RSPO3: variants seen among roughly 807,000 people sequenced by gnomAD.
The protein encoded by RSPO3 is R-spondin 3.
In RSPO3, 17 loss-of-function variants were observed where a neutral mutation model predicts 36.5. The observed-to-expected ratio is 0.47, with a 90% CI of 0.32 to 0.70. The LOEUF (loss-of-function observed/expected upper bound fraction) is 0.70, where lower values mean the gene tolerates loss of function less well. Ranked by LOEUF, RSPO3 falls within the 30% of genes least tolerant of loss-of-function variation. RSPO3 has a pLI of 0.04. For missense variants in RSPO3, 294 were observed against 322.5 expected, an observed-to-expected ratio of 0.91 and a Z score of 0.68; for synonymous variants, 108 against 107.0, an observed-to-expected ratio of 1.01 and a Z score of -0.06.
chr6:127,168,901 A>G (rs902830448), intron 4 of RSPO3, among the ~76,000 whole-genome samples: 5 of 151,984 alleles, frequency 3.3e-5, no homozygotes, highest in South Asian at 2.1e-4. Flanking sequence ...CAAAGATCAG[A>G]TGGTTATAGA....
rs1774776906 is a variant in RSPO3, at chr6:127,164,574, G to GA, written c.634+9142dup. Among the ~76,000 whole-genome samples the GA allele has an allele frequency of 2.6e-5, 4 of 151,724 alleles. No individual in the cohort carries two copies. In the South Asian group the frequency reaches 6.2e-4, roughly 24 times the overall value. On this transcript the variant is annotated intron_variant, in intron 4 of 4. Transcript: ENST00000356698. ...GGAGTAAACTGGCTTTAAATGAATA[G>GA]AAAAAATAATCTACTATGCATATGA...
rs56388820 is a variant in RSPO3 at position 127,144,643 on chromosome 6, G to GTTTTTTTTTTTTTTTTTTTTTT, written c.98-3992_98-3991insTTTTTTTTTTTTTTTTTTTTTT. 2.2e-4 allele frequency among the ~76,000 whole-genome samples: 22 copies of GTTTTTTTTTTTTTTTTTTTTTT among 99,108 alleles called. 4 individuals are homozygous for GTTTTTTTTTTTTTTTTTTTTTT. Among genetic ancestry groups the GTTTTTTTTTTTTTTTTTTTTTT allele is most frequent in the African/African-American group, 7.1e-4 (17 of 24,100 alleles). 65.0% of individuals were successfully genotyped at this position (99,108 alleles called of 152,430 possible). A position where few individuals can be genotyped will look rare whatever the true frequency, so the allele number is the denominator to read the frequency against. On this transcript the variant is annotated intron_variant, in intron 1 of 4. Transcript: ENST00000356698. ...TGTAATTTTTCAGTAGCTTCCCCTT[G>GTTTTTTTTTTTTTTTTTTTTTT]TTTTTTTTTTTTTCAGACAGAGTCT...
At chr6:127,183,625 C>T (rs769461031) in intron 4 of RSPO3, among the ~76,000 whole-genome samples, 3 of 151,946 alleles carry the variant, frequency 2.0e-5, no homozygotes, top group Admixed American at 6.6e-5. Flanking sequence ...ATTCATTCAA[C>T]GAATATTTAT....
Position 127,155,651 on chromosome 6 carries a change from C to T in RSPO3, c.634+213C>T, listed in dbSNP as rs544288758. On this transcript the variant is annotated intron_variant, in intron 4 of 4. Coordinates refer to ENST00000356698, the MANE Select transcript of RSPO3 (RefSeq NM_032784.5). ...GTCAGAACTTTACTATAGAAGTGTG[C>T]TAATTGAATTATGATGAACTAGGCT... Among the ~76,000 whole-genome samples the T allele has an allele frequency of 1.3e-5, 2 of 152,024 alleles. 1 individual carries two copies. The highest frequency in any genetic ancestry group is 1.3e-4 in the Admixed American group (2 of 15,242).
At chr6:127,194,656 A>G (rs1299224484) in intron 4 of RSPO3, among the ~76,000 whole-genome samples, 1 of 152,234 alleles carries the variant, frequency 6.6e-6, no homozygotes, top group Non-Finnish European at 1.5e-5. Flanking sequence ...GCATTTCTCC[A>G]ATGCCGACAG....
chr6:127,162,069 T>C (rs1338775112), intron 4 of RSPO3, among the ~76,000 whole-genome samples: 1 of 152,164 alleles, frequency 6.6e-6, no homozygotes, highest in African/African-American at 2.4e-5. Flanking sequence ...CATGTTTCTA[T>C]TATCATCAAG....
At chr6:127,144,002 A>G (rs917034006) in intron 1 of RSPO3, among the ~76,000 whole-genome samples, 16 of 152,208 alleles carry the variant, frequency 1.1e-4, no homozygotes, top group Non-Finnish European at 1.5e-4. Flanking sequence ...GTTATGTATC[A>G]CAAGTTAAAG....
chr6:127,150,166 G>GATATATATATATAT (rs768162516), intron 2 of RSPO3, among the ~76,000 whole-genome samples: 24 of 139,516 alleles, frequency 1.7e-4, no homozygotes, highest in African/African-American at 6.2e-4. Context: ...TATTCTTGGA[G>GATATATATATATAT]ATATATATAT....
At chr6:127,163,119 A>G (rs911953951) in intron 4 of RSPO3, among the ~76,000 whole-genome samples, 1 of 152,104 alleles carries the variant, frequency 6.6e-6, no homozygotes, top group African/African-American at 2.4e-5. Context: ...CTCCGAGAGC[A>G]TCAGCATAAA....
chr6:127,160,474 T>C (rs1774688745), intron 4 of RSPO3, among the ~76,000 whole-genome samples: 1 of 152,170 alleles, frequency 6.6e-6, no homozygotes, highest in Non-Finnish European at 1.5e-5. Flanking sequence ...AGCAGCAGTG[T>C]ACAGCAGCAG....
chr6:127,152,218 C>T (rs1774503903), intron 3 of RSPO3, among the ~76,000 whole-genome samples: 1 of 152,212 alleles, frequency 6.6e-6, no homozygotes, highest in South Asian at 2.1e-4. Context: ...GGTTAGCAGT[C>T]CAAAGGCCAA....
intron 4 of RSPO3, among the ~76,000 whole-genome samples, chr6:127,194,912 G>A (rs1258504072): frequency 3.9e-5 from 6 of 151,902 alleles, no homozygotes; most frequent in Non-Finnish European, 7.4e-5. Flanking sequence ...TGTACCAGAG[G>A]GTTATTGATC....
At chr6:127,151,040 T>G (rs927714997) in intron 3 of RSPO3, among the ~76,000 whole-genome samples, 1 of 151,876 alleles carries the variant, frequency 6.6e-6, no homozygotes, top group Non-Finnish European at 1.5e-5. Flanking sequence ...CAAAGTTATT[T>G]TCCAAGGTGG....
intron 4 of RSPO3, among the ~76,000 whole-genome samples, chr6:127,167,241 C>G (rs1376013274): frequency 1.3e-5 from 2 of 151,826 alleles, no homozygotes; most frequent in African/African-American, 4.8e-5. Context: ...ACCTATTAAG[C>G]CCAGCATCCA....
At chr6:127,125,170 A>G (rs1390109121) in intron 1 of RSPO3, among the ~76,000 whole-genome samples, 3 of 152,128 alleles carry the variant, frequency 2.0e-5, no homozygotes, top group African/African-American at 7.2e-5. Context: ...GGTACTAAAG[A>G]ATATGATTGT....
chr6:127,137,070 G>A (rs1774174829), intron 1 of RSPO3, among the ~76,000 whole-genome samples: 1 of 152,166 alleles, frequency 6.6e-6, no homozygotes. Flanking sequence ...AAATGGTTGA[G>A]TTTTGATATA....
chr6:127,196,070 GTGCTC>G lies in RSPO3; in HGVS notation c.*65_*69del. On this transcript the variant is annotated 3_prime_UTR_variant, in exon 5 of 5. Coordinates refer to ENST00000356698, the MANE Select transcript of RSPO3 (RefSeq NM_032784.5). ...TATCTCAACCAGATGCCCAGGACAGGTGCTCTAGCCATTAGGACCACAAATGGACA... is the reference window on the plus strand; with the variant it reads ...TATCTCAACCAGATGCCCAGGACAGGTAGCCATTAGGACCACAAATGGACA... 7.1e-7 allele frequency: 1 copy of G among 1,403,584 alleles called. No individual in the cohort carries two copies. The highest frequency in any genetic ancestry group is 1.7e-5 in the South Asian group (1 of 60,224). 86.9% of individuals were successfully genotyped at this position (1,403,584 alleles called of 1,614,324 possible).
chr6:127,131,242 C>T (rs1250229886), intron 1 of RSPO3, among the ~76,000 whole-genome samples: 1 of 152,006 alleles, frequency 6.6e-6, no homozygotes, highest in Non-Finnish European at 1.5e-5. Flanking sequence ...TGACCATACC[C>T]CAAAGTTTAG....
At chr6:127,175,593 T>C (rs75574290) in intron 4 of RSPO3, among the ~76,000 whole-genome samples, 10,182 of 151,830 alleles carry the variant, frequency 0.067, 712 homozygotes, top group African/African-American at 0.18. Context: ...CTAAAAATCA[T>C]AGTTTGTTTC....
Sources: gnomAD v4.1 joint callset for allele counts (sites outside exome capture counted in the v4.1 genomes callset) on GRCh38, gnomAD v4.1.1 for gene constraint, MANE v1.5 for transcripts, NCBI Gene and HGNC (gene_info 2026-07-23, HGNC 2026-07-21) for gene names.